The following RHOG variants were observed in gnomAD, a reference collection of about 807,000 sequenced individuals.
The protein encoded by RHOG is ras homolog family member G, also known as rho-related GTP-binding protein RhoG.
RHOG carries 1 observed loss-of-function variant against 12.3 expected under a neutral mutation model. The observed-to-expected ratio is 0.08, with a 90% CI of 0.03 to 0.39. The LOEUF (loss-of-function observed/expected upper bound fraction) is 0.39. RHOG is among the 10% of genes least tolerant of loss of function. The probability of loss-of-function intolerance (pLI) is 0.99; values close to 1 mark genes in which losing one functional copy is unlikely to be tolerated. For missense variants in RHOG, 114 were observed against 266.2 expected (o/e 0.43, Z 3.98); for synonymous variants, 129 against 116.0 (o/e 1.11, Z -0.72).
chr11:3,834,176 G>A lies in RHOG; in HGVS notation c.-68-5970C>T, dbSNP rs143878033. Among the ~76,000 whole-genome samples, 171 of 152,264 alleles carry A rather than the reference G, an allele frequency of 1.1e-3. 1 individual carries two copies. In the East Asian group the frequency reaches 0.019, roughly 17 times the overall value. The stretch of plus-strand genomic sequence containing the variant: ...GGCCTCAAGTGATCCACCTGCCTTG[G>A]CCTCTGAAAGTGCTGGGATTACAGG... On this transcript the variant is annotated intron_variant, in intron 1 of 1. Coordinates refer to ENST00000351018, the MANE Select transcript of RHOG (RefSeq NM_001665.4).
chr11:3,828,692 C>T lies in RHOG; in HGVS notation c.-68-486G>A, dbSNP rs535653878. Among the ~76,000 whole-genome samples, 12 of 144,712 alleles carry T rather than the reference C, an allele frequency of 8.3e-5. No homozygotes were observed. The South Asian group carries it at 8.6e-4, about 10-fold the overall frequency. 94.9% of individuals were successfully genotyped at this position (144,712 alleles called of 152,430 possible). On this transcript the variant is annotated intron_variant, in intron 1 of 1. Coordinates refer to ENST00000351018, the MANE Select transcript of RHOG (RefSeq NM_001665.4). ...AGGCTGGAGTGCAGTGGCGTCATCT[C>T]GGCTTACTGCAAGCTCCGCCTCCTG... is the stretch of plus-strand genomic sequence containing the variant.
At chr11:3,836,979 C>G (rs916003295) in intron 1 of RHOG, among the ~76,000 whole-genome samples, 4 of 149,990 alleles carry the variant, frequency 2.7e-5, no homozygotes, top group African/African-American at 9.9e-5. Flanking sequence ...GCCAAGGAAG[C>G]TGCCCCCTCC....
Position 3,827,583 on chromosome 11 carries a change from G to A in RHOG, c.556C>T (p.Arg186Trp), listed in dbSNP as rs1278909386. The change falls in exon 2 of 2, where the codon CGG becomes TGG. Residue 186 changes from arginine to tryptophan, a missense_variant. By Grantham distance (101) the Arg-to-Trp change is moderately radical (BLOSUM62 -3). Around this residue, in one of 2 missense-constraint regions of RHOG, gnomAD observed 61 missense variants for 101.4 expected, o/e 0.60. Coordinates refer to ENST00000351018, the MANE Select transcript of RHOG (RefSeq NM_001665.4). The surrounding 1 kb of genome is among the most constrained non-coding windows in gnomAD (Gnocchi z 7.3). Reference protein sequence around the residue: ...VLNPTPIKRGRSCILL With the variant: ...VLNPTPIKRGWSCILL ...CAGGGTCACAAGAGGATGCAGGACCGCCCACGCTTGATCGGCGTGGGGTTG... is the reference window on the plus strand; with the variant it reads ...CAGGGTCACAAGAGGATGCAGGACCACCCACGCTTGATCGGCGTGGGGTTG... 3.1e-6 allele frequency: 5 copies of A among 1,606,646 alleles called. No individual in the cohort carries two copies. Among genetic ancestry groups the A allele is most frequent in the Non-Finnish European group, 2.5e-6 (3 of 1,179,018 alleles).
intron 1 of RHOG, among the ~76,000 whole-genome samples, chr11:3,836,783 G>A (rs926223607): frequency 6.6e-6 from 1 of 151,538 alleles, no homozygotes; most frequent in Non-Finnish European, 1.5e-5. Context: ...CATGCCGGTA[G>A]TCCCCGCTAC....
chr11:3,834,482 C>A (rs143831511), intron 1 of RHOG, among the ~76,000 whole-genome samples: 21 of 152,222 alleles, frequency 1.4e-4, no homozygotes, highest in Non-Finnish European at 2.4e-4. Flanking sequence ...TGCCCACCCC[C>A]CAACAGACAA....
intron 1 of RHOG, among the ~76,000 whole-genome samples, chr11:3,836,745 C>CA (rs915880404): frequency 1.3e-4 from 20 of 150,660 alleles, no homozygotes; most frequent in Non-Finnish European, 2.7e-4. Flanking sequence ...CTAAAAAATA[C>CA]AAAAAAAATT....
At chr11:3,832,090 G>A (rs1350208544) in intron 1 of RHOG, among the ~76,000 whole-genome samples, 1 of 152,088 alleles carries the variant, frequency 6.6e-6, no homozygotes, top group Non-Finnish European at 1.5e-5. Context: ...AGGCAGTGTG[G>A]TATAGGGCCA....
At chr11:3,836,368 A>AAAAG (rs2090156178) in intron 1 of RHOG, among the ~76,000 whole-genome samples, 1 of 101,382 alleles carries the variant, frequency 9.9e-6, no homozygotes, top group Non-Finnish European at 2.5e-5. Flanking sequence ...AAAAAAAAAA[A>AAAAG]AAAAAGAAAG....
intron 1 of RHOG, among the ~76,000 whole-genome samples, chr11:3,832,982 A>C (rs1356983727): frequency 6.6e-6 from 1 of 152,054 alleles, no homozygotes; most frequent in African/African-American, 2.4e-5. Context: ...TAGTGTGTAC[A>C]CTAGTCAAGG....
chr11:3,839,301 G>T (rs2090175115), intron 1 of RHOG, among the ~76,000 whole-genome samples: 1 of 152,050 alleles, frequency 6.6e-6, no homozygotes, highest in Non-Finnish European at 1.5e-5. Flanking sequence ...TCTCTTACAA[G>T]TCTTATTCCT....
chr11:3,835,758 C>T (rs1050940674), intron 1 of RHOG, among the ~76,000 whole-genome samples: 1 of 152,204 alleles, frequency 6.6e-6, no homozygotes, highest in Non-Finnish European at 1.5e-5. Flanking sequence ...AGGCTACAGA[C>T]TGGGAATATC....
At chr11:3,828,260 G>A in intron 1 of RHOG, 54 bp from the exon 2 acceptor site, 1 of 870,806 alleles carries the variant, frequency 1.1e-6, no homozygotes, top group South Asian at 1.7e-5. Flanking sequence ...TGCCTATTGG[G>A]AAGAAAAGAT....
chr11:3,828,106 A>G lies in RHOG; in HGVS notation c.33T>C (p.Asp11=), dbSNP rs1456739889. Residue 11 remains aspartate (D), a synonymous_variant, in exon 2 of 2, where the codon GAT becomes GAC. Transcript: ENST00000351018. MQSIKCVVVG[D]GAVGKTCLLI... is the part of the protein sequence containing the mutation. Reference sequence around the variant, plus strand: ...GCAGGCACGTCTTGCCCACAGCCCCATCACCCACCACCACGCACTTGATGC... The same window carrying G: ...GCAGGCACGTCTTGCCCACAGCCCCGTCACCCACCACCACGCACTTGATGC... 1 of 1,613,930 alleles carries G rather than the reference A, an allele frequency of 6.2e-7. No individual in the cohort carries two copies. The highest frequency in any genetic ancestry group is 2.2e-5 in the East Asian group (1 of 44,862).
At chr11:3,831,680 A>G (rs943869755) in intron 1 of RHOG, among the ~76,000 whole-genome samples, 4 of 152,238 alleles carry the variant, frequency 2.6e-5, no homozygotes, top group Non-Finnish European at 4.4e-5. Context: ...TTACAAGAGC[A>G]CTAGGTGGAT....
rs182528998 is a variant in RHOG, at chr11:3,835,297, C to A, written c.-69+5597G>T. On this transcript the variant is annotated intron_variant, in intron 1 of 1. Transcript: ENST00000351018. ...CTCTTCCTGGAATGCGACTCACCCC[C>A]CTTCAGATCCTTCCTGTCCTTCAGG... Among the ~76,000 whole-genome samples the A allele has an allele frequency of 4.1e-4, 62 of 152,316 alleles. 1 individual carries two copies. Among genetic ancestry groups the A allele is most frequent in the Non-Finnish European group, 4.4e-4 (30 of 68,036 alleles).
rs2090082110 is a variant in RHOG, at chr11:3,827,172, A to C, written c.*391T>G. On this transcript the variant is annotated 3_prime_UTR_variant, in exon 2 of 2. Transcript: ENST00000351018. This position sits in a 1 kb window ranked among gnomAD's most constrained non-coding sequence, Gnocchi z 7.3. Reference sequence around the variant, plus strand: ...ATCTTGGGGGCGCAATTCCAAGAGCAGCGAGGGCAGAGGTTAGAGATGGCT... The same window carrying C: ...ATCTTGGGGGCGCAATTCCAAGAGCCGCGAGGGCAGAGGTTAGAGATGGCT... 1 of 214,460 alleles carries C rather than the reference A, an allele frequency of 4.7e-6. No homozygotes were observed. Among genetic ancestry groups the C allele is most frequent in the South Asian group, 9.3e-5 (1 of 10,714 alleles). 13.3% of individuals were successfully genotyped at this position (214,460 alleles called of 1,614,324 possible).
intron 1 of RHOG, among the ~76,000 whole-genome samples, chr11:3,833,678 T>C (rs1410425247): frequency 2.0e-5 from 3 of 152,212 alleles, no homozygotes; most frequent in South Asian, 2.1e-4. Context: ...ACCTACCACA[T>C]AGCACTGTTA....
At chr11:3,834,049 A>T (rs1664702054) in intron 1 of RHOG, among the ~76,000 whole-genome samples, 1 of 152,096 alleles carries the variant, frequency 6.6e-6, no homozygotes, top group Admixed American at 6.5e-5. Flanking sequence ...CAGCCTCCTG[A>T]GTTATTGGGA....
chr11:3,837,964 C>G (rs974300714), intron 1 of RHOG: 1 of 152,432 alleles, frequency 6.6e-6, no homozygotes. Flanking sequence ...GATGCCCTCC[C>G]CCCATATGAG....
Sources: gnomAD v4.1 joint callset for allele counts (sites outside exome capture counted in the v4.1 genomes callset) on GRCh38, gnomAD v4.1.1 for gene constraint, gnomAD v4.1.1 regional missense constraint, Gnocchi (gnomAD v3.1) non-coding constraint, MANE v1.5 for transcripts, NCBI Gene and HGNC (gene_info 2026-07-23, HGNC 2026-07-21) for gene names.